The following DMD variants were observed in gnomAD, a reference collection of about 807,000 sequenced individuals.
The protein encoded by DMD is mutant dystrophin.
A neutral mutation model predicts 330.1 loss-of-function variants in DMD; 63 were observed. The ratio of observed to expected loss-of-function variants is 0.19; its 90% confidence interval spans 0.16 to 0.24. The LOEUF (loss-of-function observed/expected upper bound fraction) is 0.24, where lower values mean the gene tolerates loss of function less well. DMD is among the 10% of genes least tolerant of loss of function. The pLI is 1.00. For missense variants in DMD, 3,344 were observed against 2,684.1 expected (o/e 1.25, Z -5.43); for synonymous variants, 1,223 against 959.8 (o/e 1.27, Z -5.07).
intron 44 of DMD, among the ~76,000 whole-genome samples, chrX:32,216,323 T>C (rs1218223117): frequency 5.4e-5 from 6 of 112,126 alleles, no homozygotes; most frequent in Non-Finnish European, 1.1e-4. Flanking sequence ...CAAGTTGAAA[T>C]TAAACTACAC....
intron 25 of DMD, among the ~76,000 whole-genome samples, chrX:32,457,006 C>A (rs185830739): frequency 1.0e-5 from 1 of 98,387 alleles, no homozygotes; most frequent in Non-Finnish European, 2.1e-5. Flanking sequence ...TTACAGATTA[C>A]ATTTAAAACT....
At chrX:33,248,616 C>G (rs181577617) in intron 1 of DMD, among the ~76,000 whole-genome samples, 1 of 111,592 alleles carries the variant, frequency 9.0e-6, no homozygotes, top group Non-Finnish European at 1.9e-5. Context: ...TTAAAAAATA[C>G]TCTCCATCTT....
chrX:31,493,975 G>A lies in DMD; in HGVS notation c.8547+2813C>T, dbSNP rs754801725. Among the ~76,000 whole-genome samples the A allele has an allele frequency of 1.9e-4, 21 of 110,243 alleles. No homozygotes were observed. The South Asian group carries it at 8.4e-3, about 44-fold the overall frequency. On this transcript the variant is annotated intron_variant, in intron 57 of 78. Transcript: ENST00000357033. ...GAGATCGAGACCATCTGGCCAACAC[G>A]GTGAAACCCTGTCTCTACTAAAAAT...
chrX:33,297,038 C>T (rs918325997), intron 1 of DMD, among the ~76,000 whole-genome samples: 2 of 111,164 alleles, frequency 1.8e-5, no homozygotes, highest in African/African-American at 6.5e-5. Flanking sequence ...TAGTTTTCAT[C>T]TCTGTAGATG....
chrX:33,243,293 T>C (rs1481981853), intron 1 of DMD, among the ~76,000 whole-genome samples: 1 of 112,195 alleles, frequency 8.9e-6, no homozygotes, highest in East Asian at 2.8e-4. Context: ...GTTGATTTTG[T>C]ATCCTGCAAT....
intron 62 of DMD, among the ~76,000 whole-genome samples, chrX:31,301,501 T>TA (rs2054637760): frequency 9.0e-6 from 1 of 111,180 alleles, no homozygotes; most frequent in African/African-American, 3.3e-5. Flanking sequence ...AAGTCCTACA[T>TA]ACTCTCAAAT....
chrX:32,514,447 A>G (rs949547756), intron 18 of DMD, among the ~76,000 whole-genome samples: 2 of 112,087 alleles, frequency 1.8e-5, no homozygotes, highest in Admixed American at 1.9e-4. Flanking sequence ...GTTTTGTTAA[A>G]ATATGTTGTT....
chrX:32,867,855 C>G (rs1019843544), intron 2 of DMD, among the ~76,000 whole-genome samples: 15 of 111,587 alleles, frequency 1.3e-4, no homozygotes, highest in Admixed American at 6.7e-4. Flanking sequence ...TTAACCTTCT[C>G]TTGATTTTAG....
intron 44 of DMD, among the ~76,000 whole-genome samples, chrX:32,121,131 T>C (rs2096633052): frequency 8.9e-6 from 1 of 112,106 alleles, no homozygotes. Flanking sequence ...CAAGTAAACA[T>C]ACAAAACGTT....
chrX:31,190,420 T>C (rs965318342), intron 67 of DMD, among the ~76,000 whole-genome samples: 2 of 109,227 alleles, frequency 1.8e-5, no homozygotes, highest in African/African-American at 6.7e-5. Context: ...AACAGAGGAA[T>C]TTCTTGTGGG....
intron 55 of DMD, among the ~76,000 whole-genome samples, chrX:31,578,318 C>T (rs1382182156): frequency 1.8e-5 from 2 of 111,788 alleles, no homozygotes; most frequent in Non-Finnish European, 3.8e-5. Flanking sequence ...GAGACTTGCC[C>T]TAAATCCCAC....
chrX:32,812,174 C>A (rs2077415775), intron 6 of DMD, among the ~76,000 whole-genome samples: 2 of 111,344 alleles, frequency 1.8e-5, no homozygotes, highest in Admixed American at 9.6e-5. Flanking sequence ...TACAAAAAAA[C>A]TCTCCATATC....
chrX:31,903,464 C>T (rs945205776), intron 47 of DMD, among the ~76,000 whole-genome samples: 9 of 111,704 alleles, frequency 8.1e-5, no homozygotes, highest in Admixed American at 2.9e-4. Context: ...CAAAAATATT[C>T]GCAATATTAT....
intron 53 of DMD, among the ~76,000 whole-genome samples, chrX:31,668,908 A>C (rs1205112034): frequency 8.9e-6 from 1 of 111,981 alleles, no homozygotes; most frequent in African/African-American, 3.2e-5. Flanking sequence ...AATGTCCTCC[A>C]GGTTCATCCA....
intron 44 of DMD, among the ~76,000 whole-genome samples, chrX:32,110,692 A>G (rs755478711): frequency 8.9e-6 from 1 of 111,813 alleles, no homozygotes; most frequent in African/African-American, 3.2e-5. Context: ...AAAAAAAAGC[A>G]TAATGCTGCA....
chrX:32,517,980 C>A (rs776869858), intron 18 of DMD, 28 bp downstream of exon 18: 1 of 1,205,106 alleles, frequency 8.3e-7, no homozygotes, highest in South Asian at 1.8e-5. Context: ...AAAATGAGTA[C>A]AGATATAAAA....
At chrX:32,863,535 T>TACACAC (rs1297666216) in intron 2 of DMD, among the ~76,000 whole-genome samples, 3 of 16,513 alleles carry the variant, frequency 1.8e-4, no homozygotes, top group African/African-American at 1.2e-3. Flanking sequence ...AGATTGTGTT[T>TACACAC]ATACACACAC....
chrX:32,426,707 C>A (rs2098214354), intron 29 of DMD, among the ~76,000 whole-genome samples: 1 of 111,564 alleles, frequency 9.0e-6, no homozygotes, highest in African/African-American at 3.3e-5. Context: ...CAGAATCAAC[C>A]TAAATGCCCT....
chrX:32,470,122 G>A (rs1027842427), intron 22 of DMD, among the ~76,000 whole-genome samples: 2 of 110,698 alleles, frequency 1.8e-5, no homozygotes, highest in African/African-American at 3.3e-5. Flanking sequence ...TTCTCATCTT[G>A]TAATTTTTTT....
Sources: allele counts gnomAD v4.1 joint callset (sites outside exome capture counted in the v4.1 genomes callset), GRCh38; gene constraint gnomAD v4.1.1; transcripts MANE v1.5; gene names NCBI Gene and HGNC (gene_info 2026-07-23, HGNC 2026-07-21).